The following SERPINI2 variants were observed in gnomAD, a reference collection of about 807,000 sequenced individuals.
SERPINI2 encodes serpin I2.
In SERPINI2, 48 loss-of-function variants were observed where a neutral mutation model predicts 47.3. That is an observed-to-expected ratio of 1.02 (90% CI 0.81 to 1.29). The LOEUF (loss-of-function observed/expected upper bound fraction) is 1.29, where lower values mean the gene tolerates loss of function less well. Among genes scored for constraint, SERPINI2 ranks in the 50% most tolerant of loss-of-function variants. The probability of loss-of-function intolerance (pLI) is 0.00; values close to 1 mark genes in which losing one functional copy is unlikely to be tolerated. For synonymous variants in SERPINI2, 135 were observed against 149.3 expected, an observed-to-expected ratio of 0.90 and a Z score of 0.70; for missense variants, 448 against 456.9, an observed-to-expected ratio of 0.98 and a Z score of 0.18.
chr3:167,473,411 A>G (rs930160565), intron 1 of SERPINI2, among the ~76,000 whole-genome samples: 3 of 151,710 alleles, frequency 2.0e-5, no homozygotes, highest in East Asian at 1.9e-4. Context: ...AATATATTCA[A>G]TTTCTCAGAA....
At chr3:167,459,673 TA>T (rs1420027716) in intron 5 of SERPINI2, among the ~76,000 whole-genome samples, 2 of 127,066 alleles carry the variant, frequency 1.6e-5, no homozygotes, top group African/African-American at 6.6e-5. Flanking sequence ...TAAACATTCT[TA>T]TGGGTGGTTT....
intron 1 of SERPINI2, 64 bp from the exon 2 acceptor site, chr3:167,471,908 G>A: frequency 2.4e-6 from 3 of 1,262,120 alleles, no homozygotes; most frequent in Non-Finnish European, 3.4e-6. Flanking sequence ...GAGCTCAACA[G>A]AAAACTTTCT....
chr3:167,471,940 T>G (rs982295600), intron 1 of SERPINI2, 96 bp from the exon 2 acceptor site: 3 of 834,508 alleles, frequency 3.6e-6, no homozygotes, highest in South Asian at 3.5e-5. Flanking sequence ...CTTTCTATCT[T>G]AATAGAACTT....
chr3:167,444,900 T>C (rs1373914490), intron 8 of SERPINI2, among the ~76,000 whole-genome samples: 1 of 152,096 alleles, frequency 6.6e-6, no homozygotes, highest in Non-Finnish European at 1.5e-5. Flanking sequence ...GAAAATAGAG[T>C]AAAACATAAT....
exon 3 of SERPINI2, chr3:167,467,218 A>G (rs1560236080): frequency 1.2e-6 from 2 of 1,613,376 alleles, no homozygotes; most frequent in Non-Finnish European, 1.7e-6. Flanking sequence ...TGGCAAGATT[A>G]AATGTAAATT....
upstream of SERPINI2, among the ~76,000 whole-genome samples, chr3:167,476,439 CTCT>C (rs35481475): frequency 0.088 from 13,365 of 151,934 alleles, 601 homozygotes; most frequent in Non-Finnish European, 0.11. Flanking sequence ...TATGAGACAG[CTCT>C]TCTTAATTCC....
At chr3:167,449,083 A>G (rs1044024060) in intron 7 of SERPINI2, among the ~76,000 whole-genome samples, 3 of 152,250 alleles carry the variant, frequency 2.0e-5, no homozygotes, top group Non-Finnish European at 4.4e-5. Context: ...GTAAGCAAAT[A>G]TCAGTAGATA....
intron 7 of SERPINI2, among the ~76,000 whole-genome samples, chr3:167,447,475 T>A (rs553647254): frequency 1.3e-5 from 2 of 152,196 alleles, no homozygotes; most frequent in South Asian, 4.1e-4. Flanking sequence ...AGACTGACTA[T>A]TCTGAGGAGT....
intron 5 of SERPINI2, 96 bp downstream of exon 5, chr3:167,465,110 T>A: frequency 1.8e-6 from 2 of 1,095,382 alleles, no homozygotes; most frequent in South Asian, 2.8e-5. Context: ...TTTGTGTCAA[T>A]AGACTTTTCA....
intron 2 of SERPINI2, among the ~76,000 whole-genome samples, chr3:167,468,166 T>A (rs1750198448): frequency 6.6e-6 from 1 of 152,170 alleles, no homozygotes; most frequent in Non-Finnish European, 1.5e-5. Context: ...AGGTTCTTTC[T>A]GGGCCTTCAT....
intron 7 of SERPINI2, 151 bp from the exon 8 acceptor site, chr3:167,446,632 T>G (rs916102631): frequency 8.6e-6 from 4 of 466,498 alleles, no homozygotes; most frequent in South Asian, 3.8e-5. Flanking sequence ...ACAGAGGAAT[T>G]TGCAATAAAT....
At chr3:167,458,513 C>T (rs902395200) in intron 5 of SERPINI2, among the ~76,000 whole-genome samples, 2 of 151,546 alleles carry the variant, frequency 1.3e-5, no homozygotes, top group African/African-American at 4.9e-5. Context: ...CTGCCCACCT[C>T]GGCCTCCTAA....
intron 2 of SERPINI2, chr3:167,469,463 G>A (rs748486410): frequency 1.3e-5 from 2 of 152,138 alleles, no homozygotes; most frequent in Non-Finnish European, 2.9e-5. Context: ...TTACAGTGAG[G>A]AATCTGAGGC....
At chr3:167,462,009 G>A (rs1247189980) in intron 5 of SERPINI2, among the ~76,000 whole-genome samples, 1 of 152,140 alleles carries the variant, frequency 6.6e-6, no homozygotes, top group East Asian at 1.9e-4. Flanking sequence ...AATGTTGGAG[G>A]ACTCTGAATG....
chr3:167,471,975 A>G (rs1369730308), intron 1 of SERPINI2, 131 bp from the exon 2 acceptor site: 4 of 622,454 alleles, frequency 6.4e-6, no homozygotes, highest in Admixed American at 5.6e-5. Context: ...ACTCTATCCA[A>G]TTAGATTTCT....
At chr3:167,453,497 T>G (rs1749698992) in intron 5 of SERPINI2, among the ~76,000 whole-genome samples, 1 of 152,094 alleles carries the variant, frequency 6.6e-6, no homozygotes, top group South Asian at 2.1e-4. Context: ...AAGAGAGAAA[T>G]ATTTATAACC....
chr3:167,459,077 T>C (rs1273800625), intron 5 of SERPINI2, among the ~76,000 whole-genome samples: 2 of 146,988 alleles, frequency 1.4e-5, no homozygotes, highest in Admixed American at 1.3e-4. Flanking sequence ...AGTTTTTTTT[T>C]GTTTTTTTTT....
exon 2 of SERPINI2, chr3:167,471,782 G>A: frequency 1.2e-6 from 2 of 1,613,192 alleles, no homozygotes; most frequent in African/African-American, 2.7e-5. Context: ...GCATCTTGAG[G>A]CTTGACTTCC....
At position 167,446,166 on chromosome 3, in the gene SERPINI2, T is replaced by C. The variant is rs1016564253; in HGVS notation, c.1141+226A>G. On this transcript the variant is annotated intron_variant, in intron 8 of 8. Coordinates refer to ENST00000264677, the Ensembl canonical transcript of SERPINI2. The stretch of plus-strand genomic sequence containing the variant: ...GTGGTTTTAGCTTTACTGATGGTTA[T>C]ATGAAATGGCTACCGCATATAGTAG... Among the ~76,000 whole-genome samples, 7 of 152,206 alleles carry C rather than the reference T, an allele frequency of 4.6e-5. No individual in the cohort carries two copies. The highest frequency in any genetic ancestry group is 6.5e-5 in the Admixed American group (1 of 15,280).
Sources: allele counts gnomAD v4.1 joint callset (sites outside exome capture counted in the v4.1 genomes callset), GRCh38; gene constraint gnomAD v4.1.1; transcripts MANE v1.5; gene names NCBI Gene and HGNC (gene_info 2026-07-23, HGNC 2026-07-21).